PRIM2: variants seen among roughly 807,000 people sequenced by gnomAD.
The protein encoded by PRIM2 is DNA primase large subunit.
A neutral mutation model predicts 67.3 loss-of-function variants in PRIM2; 39 were observed. That is an observed-to-expected ratio of 0.58 (90% confidence interval 0.45 to 0.76). The LOEUF (loss-of-function observed/expected upper bound fraction) is 0.76, where lower values mean the gene tolerates loss of function less well. Among genes scored for constraint, PRIM2 ranks in the 30% least tolerant of loss-of-function variants. The pLI is 0.00. For missense variants in PRIM2, 398 were observed against 598.7 expected, an observed-to-expected ratio of 0.66 and a Z score of 3.50; for synonymous variants, 143 against 198.7, an observed-to-expected ratio of 0.72 and a Z score of 2.36.
At chr6:57,551,716 G>A (rs1426682917) in intron 10 of PRIM2, among the ~76,000 whole-genome samples, 3 of 152,144 alleles carry the variant, frequency 2.0e-5, no homozygotes, top group Non-Finnish European at 2.9e-5. Context: ...TGGTTGAGGA[G>A]AGACAGTAAA....
At chr6:57,501,152 ATTTTT>A (rs1774121841) in intron 7 of PRIM2, among the ~76,000 whole-genome samples, 1 of 152,206 alleles carries the variant, frequency 6.6e-6, no homozygotes, top group Non-Finnish European at 1.5e-5. Flanking sequence ...GATCAAGTTT[ATTTTT>A]AGCTATATTA....
intron 10 of PRIM2, among the ~76,000 whole-genome samples, chr6:57,583,714 T>C (rs1169775588): frequency 1.3e-5 from 2 of 152,354 alleles, no homozygotes; most frequent in Non-Finnish European, 2.9e-5. Context: ...CTGGGTCAAA[T>C]GGTATTTCTA....
At chr6:57,548,755 A>T (rs1775340189) in intron 10 of PRIM2, among the ~76,000 whole-genome samples, 1 of 152,112 alleles carries the variant, frequency 6.6e-6, no homozygotes, top group Non-Finnish European at 1.5e-5. Context: ...TTGGTAAAGG[A>T]GTGTTTAAAA....
chr6:57,455,471 TG>T (rs1772734501), intron 7 of PRIM2, among the ~76,000 whole-genome samples: 1 of 152,212 alleles, frequency 6.6e-6, no homozygotes, highest in Admixed American at 6.5e-5. Flanking sequence ...TGGGTGCTCC[TG>T]TATTGGGTGC....
chr6:57,242,649 G>C, the PRIM2 span, among the ~76,000 whole-genome samples: 2 of 152,162 alleles, frequency 1.3e-5, no homozygotes, highest in African/African-American at 2.4e-5. Flanking sequence ...TGACGTCTCA[G>C]GGTGTGTATT....
chr6:57,336,540 G>A (rs887090028), intron 5 of PRIM2, among the ~76,000 whole-genome samples: 3 of 152,236 alleles, frequency 2.0e-5, no homozygotes, highest in Non-Finnish European at 2.9e-5. Flanking sequence ...CCAGAAGAGA[G>A]TGGGGGCCAA....
intron 10 of PRIM2, among the ~76,000 whole-genome samples, chr6:57,559,374 C>G (rs1437298807): frequency 6.6e-6 from 1 of 152,090 alleles, no homozygotes; most frequent in Non-Finnish European, 1.5e-5. Context: ...TTTACCTGTT[C>G]TAGTGAATTT....
intron 12 of PRIM2, among the ~76,000 whole-genome samples, chr6:57,613,277 G>T (rs1258590408): frequency 1.3e-5 from 2 of 152,146 alleles, no homozygotes; most frequent in Non-Finnish European, 1.5e-5. Flanking sequence ...TAAAGTAATT[G>T]CCTCTTGGGA....
the PRIM2 span, among the ~76,000 whole-genome samples, chr6:57,252,451 T>C: frequency 6.6e-6 from 1 of 152,230 alleles, no homozygotes. Flanking sequence ...TCTTTTTCTT[T>C]TTTTTTTGAG....
chr6:57,316,898 T>G (rs1252055599), upstream of PRIM2, among the ~76,000 whole-genome samples: 1 of 152,262 alleles, frequency 6.6e-6, no homozygotes, highest in Non-Finnish European at 1.5e-5. Flanking sequence ...GCAGAGCGAT[T>G]CCTGCGAATG....
intron 7 of PRIM2, among the ~76,000 whole-genome samples, chr6:57,408,906 C>T (rs555375114): frequency 2.4e-4 from 37 of 152,284 alleles, no homozygotes; most frequent in Admixed American, 2.2e-3. Flanking sequence ...GAGACAGGGT[C>T]TCGCTGTGTT....
chr6:57,485,623 T>A (rs1186006752), intron 7 of PRIM2, among the ~76,000 whole-genome samples: 4 of 152,218 alleles, frequency 2.6e-5, no homozygotes, highest in African/African-American at 4.8e-5. Flanking sequence ...AAAATGTATG[T>A]CTATATGTTA....
intron 10 of PRIM2, among the ~76,000 whole-genome samples, chr6:57,567,693 C>T (rs1337172605): frequency 2.6e-5 from 4 of 152,046 alleles, no homozygotes; most frequent in Non-Finnish European, 4.4e-5. Flanking sequence ...CTTTTCCCCC[C>T]GTTTTTCATT....
chr6:57,380,502 GC>G (rs1180192054), intron 6 of PRIM2, among the ~76,000 whole-genome samples: 1 of 152,052 alleles, frequency 6.6e-6, no homozygotes, highest in Non-Finnish European at 1.5e-5. Flanking sequence ...ATCATCCTGT[GC>G]TTGGCCACCT....
chr6:57,592,281 A>G (rs1776294016), intron 10 of PRIM2, among the ~76,000 whole-genome samples: 1 of 152,216 alleles, frequency 6.6e-6, no homozygotes, highest in Non-Finnish European at 1.5e-5. Context: ...ATATAACGGT[A>G]TAACAAACCT....
intron 7 of PRIM2, among the ~76,000 whole-genome samples, chr6:57,408,195 A>T (rs1562736636): frequency 6.6e-6 from 1 of 152,318 alleles, no homozygotes; most frequent in South Asian, 2.1e-4. Context: ...ATTAGATAAG[A>T]TGACATGGGT....
intron 10 of PRIM2, among the ~76,000 whole-genome samples, chr6:57,588,444 A>G (rs1439848516): frequency 1.0e-4 from 15 of 148,958 alleles, no homozygotes; most frequent in Non-Finnish European, 8.9e-5. Context: ...TTATTTCTTC[A>G]TGCAAGTTTA....
the PRIM2 span, among the ~76,000 whole-genome samples, chr6:57,241,862 T>C: frequency 1.0e-3 from 153 of 151,912 alleles, no homozygotes; most frequent in Middle Eastern, 3.4e-3. Context: ...TTAGTAGAGA[T>C]GGGGTTTCAC....
chr6:57,246,917 C>A, the PRIM2 span, among the ~76,000 whole-genome samples: 1 of 151,238 alleles, frequency 6.6e-6, no homozygotes, highest in African/African-American at 2.4e-5. Flanking sequence ...TGCGGTGGCG[C>A]GATCTCAGCT....
Sources: allele counts gnomAD v4.1 joint callset (sites outside exome capture counted in the v4.1 genomes callset), GRCh38; gene constraint gnomAD v4.1.1; transcripts MANE v1.5; gene names NCBI Gene and HGNC (gene_info 2026-07-23, HGNC 2026-07-21).